Variants in TENM2 observed in about 807,000 individuals in gnomAD.
TENM2 encodes teneurin-2.
A neutral mutation model predicts 245.2 loss-of-function variants in TENM2; 52 were observed. The ratio of observed to expected loss-of-function variants is 0.21; its 90% confidence interval spans 0.17 to 0.27. The LOEUF (loss-of-function observed/expected upper bound fraction) is 0.27, where lower values mean the gene tolerates loss of function less well. Among genes scored for constraint, TENM2 ranks in the 10% least tolerant of loss-of-function variants. The pLI is 1.00. For synonymous variants in TENM2, 1,363 were observed against 1,438.9 expected (o/e 0.95, Z 1.19); for missense variants, 3,046 against 3,666.8 (o/e 0.83, Z 4.37).
At chr5:167,971,533 T>C (rs981970347) in intron 4 of TENM2, among the ~76,000 whole-genome samples, 1 of 152,058 alleles carries the variant, frequency 6.6e-6, no homozygotes, top group African/African-American at 2.4e-5. Context: ...AAACTTCGTG[T>C]CTATTAAAAA....
chr5:167,857,387 G>A (rs981846058), intron 2 of TENM2, among the ~76,000 whole-genome samples: 3 of 152,134 alleles, frequency 2.0e-5, no homozygotes, highest in South Asian at 4.1e-4. Flanking sequence ...GCAGGGCCTC[G>A]AGTGTATTAA....
chr5:167,576,703 A>G (rs1774714274), intron 2 of TENM2, among the ~76,000 whole-genome samples: 3 of 152,208 alleles, frequency 2.0e-5, no homozygotes, highest in African/African-American at 7.2e-5. Context: ...TAATGATCAA[A>G]CGCATTATAA....
the TENM2 span, among the ~76,000 whole-genome samples, chr5:167,278,260 T>C: frequency 6.6e-6 from 1 of 152,148 alleles, no homozygotes; most frequent in African/African-American, 2.4e-5. Flanking sequence ...GTTGTGATTG[T>C]GCCACTGCAC....
intron 2 of TENM2, among the ~76,000 whole-genome samples, chr5:167,597,155 C>CTTT (rs1424368932): frequency 9.2e-6 from 1 of 108,310 alleles, no homozygotes; most frequent in African/African-American, 3.4e-5. Flanking sequence ...CTTTTCTTTT[C>CTTT]TTTTCTTTTC....
the TENM2 span, among the ~76,000 whole-genome samples, chr5:167,004,391 A>T: frequency 6.6e-6 from 1 of 152,206 alleles, no homozygotes; most frequent in Admixed American, 6.5e-5. Context: ...CTAGCCATTC[A>T]TTACCCTTCA....
At chr5:167,083,618 A>G in the TENM2 span, among the ~76,000 whole-genome samples, 3 of 152,142 alleles carry the variant, frequency 2.0e-5, no homozygotes, top group African/African-American at 2.4e-5. Flanking sequence ...GTCAAGTGAA[A>G]TGCCGGTAGC....
At chr5:168,167,108 TG>T (rs1279025763) in intron 13 of TENM2, among the ~76,000 whole-genome samples, 4 of 151,988 alleles carry the variant, frequency 2.6e-5, no homozygotes, top group African/African-American at 9.7e-5. Context: ...CACCCCAATT[TG>T]AAAAAGAAGA....
intron 2 of TENM2, among the ~76,000 whole-genome samples, chr5:167,430,365 T>G (rs1392588969): frequency 1.3e-5 from 2 of 152,180 alleles, no homozygotes; most frequent in East Asian, 1.9e-4. Flanking sequence ...CCATAAGTAT[T>G]CAACAGAAGG....
chr5:167,850,181 A>C (rs149337725), intron 2 of TENM2, among the ~76,000 whole-genome samples: 53 of 152,312 alleles, frequency 3.5e-4, no homozygotes, highest in African/African-American at 1.3e-3. Context: ...AGACATTCAT[A>C]TCTCCAGAGA....
intron 9 of TENM2, among the ~76,000 whole-genome samples, chr5:168,105,431 G>A (rs897325885): frequency 2.6e-5 from 4 of 152,188 alleles, no homozygotes; most frequent in Admixed American, 2.6e-4. Context: ...AGGGAAGGCA[G>A]GAAGGGGAAC....
chr5:167,082,035 A>G, the TENM2 span, among the ~76,000 whole-genome samples: 3 of 152,206 alleles, frequency 2.0e-5, no homozygotes, highest in East Asian at 1.9e-4. Context: ...CGACAGCTCT[A>G]TGAGTGTAAA....
intron 2 of TENM2, among the ~76,000 whole-genome samples, chr5:167,622,873 T>C (rs1282695444): frequency 1.3e-5 from 2 of 152,174 alleles, no homozygotes; most frequent in Non-Finnish European, 2.9e-5. Context: ...TTCTTTCTGA[T>C]AATTCCTTCT....
At chr5:167,004,065 C>T in the TENM2 span, among the ~76,000 whole-genome samples, 24 of 152,254 alleles carry the variant, frequency 1.6e-4, no homozygotes, top group African/African-American at 5.8e-4. Flanking sequence ...ATTAGAAATG[C>T]AGAATAATGC....
At chr5:167,611,182 C>G (rs1177840661) in intron 2 of TENM2, among the ~76,000 whole-genome samples, 1 of 152,172 alleles carries the variant, frequency 6.6e-6, no homozygotes, top group Non-Finnish European at 1.5e-5. Flanking sequence ...CAATAAACTA[C>G]CACTTATAGT....
At chr5:167,731,289 G>A (rs977294763) in intron 2 of TENM2, among the ~76,000 whole-genome samples, 7 of 150,424 alleles carry the variant, frequency 4.7e-5, no homozygotes, top group African/African-American at 9.8e-5. Context: ...GTTCGCCTCC[G>A]TTACAGAGGG....
intron 7 of TENM2, among the ~76,000 whole-genome samples, chr5:168,070,736 C>A (rs1371278313): frequency 1.3e-5 from 2 of 150,308 alleles, no homozygotes; most frequent in Non-Finnish European, 3.0e-5. Flanking sequence ...CTGCAGTGTG[C>A]CCTGATTGTG....
chr5:167,621,796 A>G (rs2127771689), intron 2 of TENM2, among the ~76,000 whole-genome samples: 1 of 152,276 alleles, frequency 6.6e-6, no homozygotes, highest in Admixed American at 6.5e-5. Flanking sequence ...ACAGTCATTT[A>G]GGGACAATTA....
rs912030581 is a variant in TENM2 at position 167,646,103 on chromosome 5, C to T, written c.503-229883C>T. Among the ~76,000 whole-genome samples the T allele has an allele frequency of 7.4e-5, 11 of 148,496 alleles. No individual in the cohort carries two copies. The East Asian group carries it at 1.2e-3, about 16-fold the overall frequency. On this transcript the variant is annotated intron_variant, in intron 2 of 28. Transcript: ENST00000518659. ...TGCTCCAACACAACATATATATATA[C>T]ACACACACATATATATGTGCATATA...
intron 2 of TENM2, among the ~76,000 whole-genome samples, chr5:167,639,376 T>C (rs1020784073): frequency 6.6e-6 from 1 of 152,188 alleles, no homozygotes; most frequent in Non-Finnish European, 1.5e-5. Flanking sequence ...AGCAAATGAG[T>C]CATCTTAGCC....
Sources: gnomAD v4.1 joint callset for allele counts (sites outside exome capture counted in the v4.1 genomes callset) on GRCh38, gnomAD v4.1.1 for gene constraint, MANE v1.5 for transcripts, NCBI Gene and HGNC (gene_info 2026-07-23, HGNC 2026-07-21) for gene names.